Variants in MYL9 observed in about 807,000 individuals in gnomAD.
MYL9 encodes the protein myosin light chain 9, also known as myosin regulatory light polypeptide 9.
MYL9 carries 7 observed loss-of-function variants against 12.8 expected under a neutral mutation model. The ratio of observed to expected loss-of-function variants is 0.55; its 90% CI spans 0.31 to 1.03. The LOEUF (loss-of-function observed/expected upper bound fraction) is 1.03. MYL9 is among the 50% of genes least tolerant of loss of function. The pLI is 0.05. For missense variants in MYL9, 190 were observed against 242.7 expected, an observed-to-expected ratio of 0.78 and a Z score of 1.44; for synonymous variants, 81 against 87.8, an observed-to-expected ratio of 0.92 and a Z score of 0.43.
At position 36,544,840 on chromosome 20, in the gene MYL9, C is replaced by A. The variant is rs1297383688; in HGVS notation, c.-26-19C>A. 5.1e-6 allele frequency: 8 copies of A among 1,570,226 alleles called. No homozygotes were observed. Among genetic ancestry groups the A allele is most frequent in the Admixed American group, 1.8e-5 (1 of 56,854 alleles). Reference sequence around the variant, plus strand: ...GGCCCAGAGTCACAGGGCCACCCAACCCCCACCCCTTCCTGCAGGGAAGCC... The same window carrying A: ...GGCCCAGAGTCACAGGGCCACCCAAACCCCACCCCTTCCTGCAGGGAAGCC... On this transcript the variant is annotated intron_variant, in intron 1 of 3. Transcript: ENST00000279022.
At chr20:36,542,705 T>TC (rs755344726) in intron 1 of MYL9, among the ~76,000 whole-genome samples, 10 of 152,006 alleles carry the variant, frequency 6.6e-5, no homozygotes, top group Non-Finnish European at 1.5e-4. Context: ...AGGTGGCCCC[T>TC]CCCCCTCTCA....
intron 2 of MYL9, 120 bp from the exon 3 acceptor site, chr20:36,547,912 C>T: frequency 8.0e-7 from 1 of 1,251,666 alleles, no homozygotes; most frequent in Admixed American, 3.0e-5. Context: ...TTCACAAAAC[C>T]CACTACCTCC....
At chr20:36,543,870 G>A (rs1431793172) in intron 1 of MYL9, among the ~76,000 whole-genome samples, 2 of 152,174 alleles carry the variant, frequency 1.3e-5, no homozygotes, top group Non-Finnish European at 2.9e-5. Context: ...AGGAAAGCCT[G>A]GGAGTGTCCA....
intron 2 of MYL9, among the ~76,000 whole-genome samples, chr20:36,545,812 C>T (rs1053456171): frequency 1.3e-4 from 20 of 150,568 alleles, no homozygotes; most frequent in African/African-American, 4.9e-4. Flanking sequence ...GCCAGCTACT[C>T]GGGAGGCTGA....
chr20:36,542,553 TG>T (rs531775895), intron 1 of MYL9, among the ~76,000 whole-genome samples: 15 of 152,108 alleles, frequency 9.9e-5, no homozygotes, highest in South Asian at 4.1e-4. Context: ...AAGGCGCCTC[TG>T]GATACACAGA....
At chr20:36,545,895 G>A (rs2038094522) in intron 2 of MYL9, among the ~76,000 whole-genome samples, 1 of 152,226 alleles carries the variant, frequency 6.6e-6, no homozygotes, top group Admixed American at 6.5e-5. Context: ...ACTCCAGCCT[G>A]GGCGACAGAG....
intron 3 of MYL9, among the ~76,000 whole-genome samples, chr20:36,548,457 A>AT (rs761428192): frequency 1.3e-5 from 2 of 152,118 alleles, no homozygotes; most frequent in Non-Finnish European, 2.9e-5. Context: ...AAATCAAACC[A>AT]TTTCATGCCT....
intron 1 of MYL9, among the ~76,000 whole-genome samples, chr20:36,543,338 C>T (rs368478585): frequency 2.0e-5 from 3 of 152,182 alleles, no homozygotes; most frequent in Non-Finnish European, 4.4e-5. Flanking sequence ...GGCCAAGGAC[C>T]GAGAATGACT....
At chr20:36,544,003 G>C (rs1232689722) in intron 1 of MYL9, among the ~76,000 whole-genome samples, 1 of 152,184 alleles carries the variant, frequency 6.6e-6, no homozygotes, top group Non-Finnish European at 1.5e-5. Context: ...ACCCAGACTT[G>C]CTCTGAGGGG....
At chr20:36,544,658 C>T (rs913812444) in intron 1 of MYL9, among the ~76,000 whole-genome samples, 2 of 152,160 alleles carry the variant, frequency 1.3e-5, no homozygotes, top group Non-Finnish European at 2.9e-5. Flanking sequence ...TGAAGACTCT[C>T]GGGCTCAGAG....
At chr20:36,544,785 G>T in intron 1 of MYL9, 74 bp from the exon 2 acceptor site, 1 of 1,332,650 alleles carries the variant, frequency 7.5e-7, no homozygotes. Context: ...AGTGCTAAAA[G>T]CCAGTCTGGG....
At position 36,549,760 on chromosome 20, in the gene MYL9, C is replaced by G. The variant is rs1200600351; in HGVS notation, c.*511C>G. On this transcript the variant is annotated 3_prime_UTR_variant, in exon 4 of 4. Coordinates refer to ENST00000279022, the MANE Select transcript of MYL9 (RefSeq NM_006097.5). ...CCGCCATGGGAGTGTGCTCAGGAGT[C>G]GCGGGCAGCGTGGACATCTGTCCCA... is the stretch of plus-strand genomic sequence containing the variant. 6.3e-6 allele frequency: 1 copy of G among 158,036 alleles called. No homozygotes were observed. The allele number at this position is 158,036 out of a possible 1,614,324, so 9.8% of individuals were successfully genotyped here.
chr20:36,543,464 G>T (rs1189575577), intron 1 of MYL9, among the ~76,000 whole-genome samples: 1 of 152,194 alleles, frequency 6.6e-6, no homozygotes, highest in Non-Finnish European at 1.5e-5. Flanking sequence ...GGTTTGGGCA[G>T]AGGGAAGAGG....
chr20:36,545,175 G>A (rs1454245277), intron 2 of MYL9, 107 bp downstream of exon 2: 10 of 1,291,136 alleles, frequency 7.7e-6, no homozygotes, highest in Non-Finnish European at 1.1e-5. Context: ...CCACCTTAGA[G>A]AATAGTTGCC....
chr20:36,543,740 G>A (rs1279158798), intron 1 of MYL9, among the ~76,000 whole-genome samples: 3 of 152,224 alleles, frequency 2.0e-5, no homozygotes, highest in Non-Finnish European at 4.4e-5. Flanking sequence ...CCACAAGGGA[G>A]AGAGATCTTT....
intron 2 of MYL9, among the ~76,000 whole-genome samples, chr20:36,546,286 G>A (rs892788905): frequency 6.6e-6 from 1 of 152,152 alleles, no homozygotes; most frequent in African/African-American, 2.4e-5. Flanking sequence ...CCCTCATGCC[G>A]AGTGACAGCA....
rs747074701 is a variant in MYL9 at position 36,545,056 on chromosome 20, C to G, written c.172C>G (p.Leu58Val). ...TGACAAGGAGGACCTGCACGACATG[C>G]TGGCCTCGCTGGGTGAGCTGGGACA... Reference protein sequence around the residue: ...FIDKEDLHDMLASLGKNPTDE... With the variant: ...FIDKEDLHDMVASLGKNPTDE... Residue 58 changes from leucine (L) to valine (V), a missense_variant, in exon 2 of 4, where the codon CTG becomes GTG. Leu to Val is a conservative substitution (Grantham distance 32, BLOSUM62 1). Transcript: ENST00000279022. The G allele has an allele frequency of 1.9e-6, 3 of 1,613,794 alleles. No individual in the cohort carries two copies. Among genetic ancestry groups the G allele is most frequent in the South Asian group, 2.2e-5 (2 of 91,070 alleles).
In MYL9 at chr20:36,549,247, TAGGCCACCCC is replaced by T. The variant is rs745720079; in HGVS notation, c.*1_*10del. On this transcript the variant is annotated stop_retained_variant and 3_prime_UTR_variant, in exon 4 of 4. Coordinates refer to ENST00000279022, the MANE Select transcript of MYL9 (RefSeq NM_006097.5). ...ACATGGCGCCAAGGATAAAGACGAC[TAGGCCACCCC>T]AGCCCCCTGACACCCCAGCCCCCGC... The T allele has an allele frequency of 6.8e-6, 11 of 1,611,616 alleles. No individual in the cohort carries two copies. The highest frequency in any genetic ancestry group is 6.7e-5 in the Admixed American group (4 of 59,870).
intron 2 of MYL9, 45 bp downstream of exon 2, chr20:36,545,113 G>C: frequency 6.3e-7 from 1 of 1,596,544 alleles, no homozygotes; most frequent in Non-Finnish European, 8.6e-7. Flanking sequence ...AGGCCAGGCA[G>C]GCTCTGCCAA....
Sources: allele counts gnomAD v4.1 joint callset (sites outside exome capture counted in the v4.1 genomes callset), GRCh38; gene constraint gnomAD v4.1.1; transcripts MANE v1.5; gene names NCBI Gene and HGNC (gene_info 2026-07-23, HGNC 2026-07-21).